The following NFU1 variants were observed in gnomAD, a reference collection of about 807,000 sequenced individuals.
The protein encoded by NFU1 is NFU1 iron-sulfur cluster scaffold.
Under a neutral mutation model 32.2 loss-of-function variants are expected in NFU1, and 30 were observed. That is an observed-to-expected ratio of 0.93 (90% CI 0.70 to 1.26). The LOEUF (loss-of-function observed/expected upper bound fraction) is 1.26, where lower values mean the gene tolerates loss of function less well. Ranked by LOEUF, NFU1 falls within the 50% of genes most tolerant of loss-of-function variation. The pLI, the probability that NFU1 is intolerant of heterozygous loss-of-function variation, is 0.00. For synonymous variants in NFU1, 112 were observed against 104.6 expected (o/e 1.07, Z -0.43); for missense variants, 306 against 306.6 (o/e 1.00, Z 0.02).
intron 7 of NFU1, among the ~76,000 whole-genome samples, chr2:69,399,876 A>AT (rs71397328): frequency 0.025 from 3,668 of 145,802 alleles, 62 homozygotes; most frequent in Non-Finnish European, 0.037. Flanking sequence ...AAGTTACTTC[A>AT]TTTTTTTTTT....
chr2:69,413,652 G>A lies in NFU1; in HGVS notation c.484+1533C>T, dbSNP rs534953540. On this transcript the variant is annotated intron_variant, in intron 5 of 7. Transcript: ENST00000410022. Reference sequence around the variant, plus strand: ...TGCATGCCTGTAATCCCAGCCACTCGGGAGGCTGAGGTAGAAGGATCGCTT... The same window carrying A: ...TGCATGCCTGTAATCCCAGCCACTCAGGAGGCTGAGGTAGAAGGATCGCTT... Among the ~76,000 whole-genome samples, 46 of 152,190 alleles carry A rather than the reference G, an allele frequency of 3.0e-4. No individual in the cohort carries two copies. In the South Asian group the frequency reaches 8.3e-3, roughly 27 times the overall value.
chr2:69,434,000 T>C (rs2104819243), intron 1 of NFU1, among the ~76,000 whole-genome samples: 1 of 150,584 alleles, frequency 6.6e-6, no homozygotes, highest in African/African-American at 2.4e-5. Flanking sequence ...CTCAGGCTGA[T>C]CTCCAGCTCC....
At chr2:69,417,305 C>A (rs149390320) in intron 4 of NFU1, among the ~76,000 whole-genome samples, 86 of 152,028 alleles carry the variant, frequency 5.7e-4, no homozygotes, top group Non-Finnish European at 9.7e-4. Flanking sequence ...TGATGAGAAA[C>A]ATTACTGGAA....
chr2:69,418,264 G>A (rs1021485048), intron 4 of NFU1, among the ~76,000 whole-genome samples: 1 of 152,080 alleles, frequency 6.6e-6, no homozygotes, highest in African/African-American at 2.4e-5. Context: ...GTTGGACATG[G>A]TGGTATGCAC....
intron 1 of NFU1, 82 bp downstream of exon 1, chr2:69,437,277 CGA>C (rs909313871): frequency 5.2e-6 from 8 of 1,536,926 alleles, no homozygotes; most frequent in African/African-American, 1.4e-5. Context: ...CCACCCGCCT[CGA>C]GAGAGGGTCT....
At position 69,419,358 on chromosome 2, in the gene NFU1, A is replaced by G. The variant is rs542438020; in HGVS notation, c.369+180T>C. On this transcript the variant is annotated intron_variant, in intron 4 of 7. Coordinates refer to ENST00000410022, the MANE Select transcript of NFU1 (RefSeq NM_001002755.4). ...AAAGAAAAAGAAAAGAAAAAGAAAA[A>G]CATAGCATATTTCGCTTGATTCTTG... 1.9e-3 allele frequency among the ~76,000 whole-genome samples: 290 copies of G among 152,214 alleles called. 1 individual carries two copies. Among genetic ancestry groups the G allele is most frequent in the African/African-American group, 6.7e-3 (278 of 41,538 alleles).
At chr2:69,413,720 C>G (rs540606747) in intron 5 of NFU1, among the ~76,000 whole-genome samples, 2 of 152,214 alleles carry the variant, frequency 1.3e-5, no homozygotes, top group Middle Eastern at 3.4e-3. Flanking sequence ...GATCATGCCA[C>G]TGCACTCCAG....
At chr2:69,415,991 A>AG (rs35820022) in intron 4 of NFU1, among the ~76,000 whole-genome samples, 67,039 of 151,402 alleles carry the variant, frequency 0.44, 15,158 homozygotes, top group African/African-American at 0.52. Flanking sequence ...ATAAAGGGAA[A>AG]GGAAGAAAGA....
chr2:69,409,826 C>T (rs147575329), intron 5 of NFU1, among the ~76,000 whole-genome samples: 335 of 152,250 alleles, frequency 2.2e-3, no homozygotes, highest in Admixed American at 3.8e-3. Context: ...GGGATCCATC[C>T]CCATGACCCA....
At chr2:69,434,319 T>A (rs551725100) in intron 1 of NFU1, among the ~76,000 whole-genome samples, 41 of 151,970 alleles carry the variant, frequency 2.7e-4, no homozygotes, top group African/African-American at 9.4e-4. Flanking sequence ...AATTTTTGTA[T>A]TTTTAGTAGA....
chr2:69,400,242 G>A, intron 7 of NFU1, 122 bp downstream of exon 7: 1 of 905,548 alleles, frequency 1.1e-6, no homozygotes. Context: ...AGCCCTTGAA[G>A]AAAAAGCTAG....
intron 5 of NFU1, among the ~76,000 whole-genome samples, chr2:69,414,392 G>A (rs10171799): frequency 6.6e-6 from 1 of 151,764 alleles, no homozygotes; most frequent in African/African-American, 2.4e-5. Context: ...TTGAAGCCAG[G>A]TGATCACTTG....
At chr2:69,404,615 A>ATTTCTTTTTT (rs1672635628) in intron 6 of NFU1, among the ~76,000 whole-genome samples, 1 of 73,008 alleles carries the variant, frequency 1.4e-5, no homozygotes, top group African/African-American at 6.3e-5. Context: ...ATCTTAGCAA[A>ATTTCTTTTTT]TTTTTTTTTT....
upstream of NFU1, among the ~76,000 whole-genome samples, chr2:69,437,938 C>T (rs1049532115): frequency 6.6e-6 from 1 of 152,204 alleles, no homozygotes. Context: ...TTGTCAGCTG[C>T]CACTTGGTCA....
chr2:69,437,628 C>G (rs751943973), upstream of NFU1: 3 of 668,748 alleles, frequency 4.5e-6, no homozygotes, highest in Admixed American at 7.0e-5. Flanking sequence ...GAACCTTTCC[C>G]GTTTGCGCCA....
chr2:69,415,293 C>A lies in NFU1; in HGVS notation c.376G>T (p.Glu126Ter). ...TTCAGTAAATTCCAGTCTAATTCTT[C>A]ATTTTCCTATAAACATTTAAAGGAA... Reference protein sequence around the residue: ...PDFITVTKENEELDWNLLKPD... With the variant: ...PDFITVTKEN Residue 126 changes from glutamate (E) to a stop codon, truncating the protein, a stop_gained, in exon 5 of 8, where the codon GAA becomes TAA. Transcript: ENST00000410022. LOFTEE classifies it high-confidence loss of function. 6.3e-7 allele frequency: 1 copy of A among 1,581,772 alleles called. No homozygotes were observed. The highest frequency in any genetic ancestry group is 1.1e-5 in the South Asian group (1 of 90,194).
rs1672874877 is a variant in NFU1 at position 69,411,449 on chromosome 2, T to A, written c.484+3736A>T. On this transcript the variant is annotated intron_variant, in intron 5 of 7. Coordinates refer to ENST00000410022, the MANE Select transcript of NFU1 (RefSeq NM_001002755.4). ...AAAAGATGAACTAATGTAACCACAT[T>A]AAAATGAAAATTTTCTGTATGACAA... is the stretch of plus-strand genomic sequence containing the variant. Among the ~76,000 whole-genome samples the A allele has an allele frequency of 2.6e-5, 4 of 152,116 alleles. No homozygotes were observed. In the South Asian group the frequency reaches 8.3e-4, roughly 32 times the overall value.
At chr2:69,424,198 A>AAT (rs1177261342) in intron 2 of NFU1, among the ~76,000 whole-genome samples, 2,259 of 74,318 alleles carry the variant, frequency 0.03, 58 homozygotes, top group South Asian at 0.039. Context: ...AAAAAAAAAA[A>AAT]ATATATATAT....
chr2:69,405,905 A>G, intron 6 of NFU1, 117 bp downstream of exon 6: 4 of 726,080 alleles, frequency 5.5e-6, no homozygotes, highest in Admixed American at 2.0e-5. Flanking sequence ...TGTGGTTTAC[A>G]TTAACTTGCA....
Sources: gnomAD v4.1 joint callset for allele counts (sites outside exome capture counted in the v4.1 genomes callset) on GRCh38, gnomAD v4.1.1 for gene constraint, MANE v1.5 for transcripts, NCBI Gene and HGNC (gene_info 2026-07-23, HGNC 2026-07-21) for gene names.